Variants in CUX1 observed in about 807,000 individuals in gnomAD.
The protein encoded by CUX1 is cut like homeobox 1, also known as protein CASP.
CUX1 carries 31 observed loss-of-function variants against 158.8 expected under a neutral mutation model. That is an observed-to-expected ratio of 0.20 (90% CI 0.15 to 0.26). The LOEUF is 0.26. CUX1 is among the 10% of genes least tolerant of loss of function. CUX1 has a pLI of 1.00. For missense variants in CUX1, 1,589 were observed against 2,014.6 expected, an observed-to-expected ratio of 0.79 and a Z score of 4.04; for synonymous variants, 879 against 862.1, an observed-to-expected ratio of 1.02 and a Z score of -0.34.
intron 1 of CUX1, among the ~76,000 whole-genome samples, chr7:101,853,871 A>G (rs1796532388): frequency 6.6e-6 from 1 of 152,108 alleles, no homozygotes; most frequent in Non-Finnish European, 1.5e-5. Flanking sequence ...TGGTCATGAG[A>G]AACCCCAGTC....
intron 3 of CUX1, among the ~76,000 whole-genome samples, chr7:102,047,260 G>A (rs1372687548): frequency 1.4e-4 from 21 of 151,980 alleles, no homozygotes; most frequent in Non-Finnish European, 3.1e-4. Context: ...ATGGATTGGT[G>A]GATGAATGGG....
At position 101,952,206 on chromosome 7, in the gene CUX1, G is replaced by A. The variant is rs188162659; in HGVS notation, c.141+35981G>A. Among the ~76,000 whole-genome samples the A allele has an allele frequency of 2.9e-3, 435 of 152,144 alleles. 3 individuals carry two copies. Among genetic ancestry groups the A allele is most frequent in the South Asian group, 0.01 (49 of 4,816 alleles). ...AAGACCAGCCTGGGCAACATAGCGA[G>A]ACCCCGTCTCTACAAAAAAAAATAC... On this transcript the variant is annotated intron_variant, in intron 2 of 23. Coordinates refer to ENST00000292535, the MANE Select transcript of CUX1 (RefSeq NM_181552.4).
intron 20 of CUX1, among the ~76,000 whole-genome samples, chr7:102,216,786 ACACAC>A (rs1554524999): frequency 2.3e-5 from 1 of 42,922 alleles, no homozygotes; most frequent in East Asian, 0.013. Flanking sequence ...TCTCCCACAC[ACACAC>A]TCTCCCACAC....
At chr7:102,214,898 C>T (rs1195702830) in intron 20 of CUX1, among the ~76,000 whole-genome samples, 3 of 152,222 alleles carry the variant, frequency 2.0e-5, no homozygotes, top group African/African-American at 7.2e-5. Context: ...TCTGTCCTTT[C>T]CTTGACGGCC....
chr7:101,996,837 C>T (rs1052997638), intron 2 of CUX1, among the ~76,000 whole-genome samples: 2 of 152,022 alleles, frequency 1.3e-5, no homozygotes, highest in South Asian at 2.1e-4. Flanking sequence ...TGCTCCTCTG[C>T]CGCATACATA....
Position 102,249,120 on chromosome 7 carries a change from A to G in CUX1, c.*78A>G. ...GGGTCGGACGGGGCAGGCGCTGCGGACACCGTGGCCTGGGCTTGGCCCGCG... is the reference window on the plus strand; with the variant it reads ...GGGTCGGACGGGGCAGGCGCTGCGGGCACCGTGGCCTGGGCTTGGCCCGCG... On this transcript the variant is annotated 3_prime_UTR_variant, in exon 24 of 24. Coordinates refer to ENST00000292535, the MANE Select transcript of CUX1 (RefSeq NM_181552.4). 8.5e-7 allele frequency: 1 copy of G among 1,179,284 alleles called. No individual in the cohort carries two copies. Among genetic ancestry groups the G allele is most frequent in the Non-Finnish European group, 1.0e-6 (1 of 952,642 alleles). 73.1% of individuals were successfully genotyped at this position (1,179,284 alleles called of 1,614,324 possible). A position where few individuals can be genotyped will look rare whatever the true frequency, so the allele number is the denominator to read the frequency against.
At chr7:102,014,179 A>ACC (rs1563130886) in intron 2 of CUX1, among the ~76,000 whole-genome samples, 1 of 152,118 alleles carries the variant, frequency 6.6e-6, no homozygotes, top group Non-Finnish European at 1.5e-5. Context: ...CTCACAAGAG[A>ACC]CCGACCTCTG....
At chr7:102,228,690 C>A (rs1349719864) in intron 21 of CUX1, among the ~76,000 whole-genome samples, 1 of 152,086 alleles carries the variant, frequency 6.6e-6, no homozygotes, top group Non-Finnish European at 1.5e-5. Context: ...TTCAGCTACT[C>A]GGGAGGCTGA....
At chr7:101,953,989 T>C (rs1161697465) in intron 2 of CUX1, among the ~76,000 whole-genome samples, 1 of 152,154 alleles carries the variant, frequency 6.6e-6, no homozygotes, top group Non-Finnish European at 1.5e-5. Flanking sequence ...TGTAACCCTC[T>C]GGTCTGGGTA....
At chr7:102,150,390 A>G (rs782615723) in intron 8 of CUX1, among the ~76,000 whole-genome samples, 9 of 152,206 alleles carry the variant, frequency 5.9e-5, no homozygotes, top group Non-Finnish European at 1.2e-4. Context: ...TCCTGGTCTC[A>G]AGTGATCCAC....
At chr7:102,230,786 C>G (rs1056158897) in intron 21 of CUX1, among the ~76,000 whole-genome samples, 1 of 152,194 alleles carries the variant, frequency 6.6e-6, no homozygotes, top group Non-Finnish European at 1.5e-5. Flanking sequence ...TCTCCCACTT[C>G]ATAGCTCGTC....
At chr7:102,027,377 A>C (rs1010231004) in intron 2 of CUX1, among the ~76,000 whole-genome samples, 1 of 152,154 alleles carries the variant, frequency 6.6e-6, no homozygotes, top group Non-Finnish European at 1.5e-5. Flanking sequence ...CATCTCAAAA[A>C]AAAAGAAGAG....
chr7:102,060,608 AAC>A (rs58786987), intron 3 of CUX1, among the ~76,000 whole-genome samples: 2,120 of 133,274 alleles, frequency 0.016, 56 homozygotes, highest in African/African-American at 0.051. Context: ...CACACAAATA[AAC>A]ACACACACAC....
At chr7:102,019,100 C>T (rs933042870) in intron 2 of CUX1, among the ~76,000 whole-genome samples, 2 of 152,138 alleles carry the variant, frequency 1.3e-5, no homozygotes, top group Non-Finnish European at 2.9e-5. Context: ...TCGAATCTGC[C>T]CTTCTTCTTA....
chr7:101,938,614 A>G (rs1262380853), intron 2 of CUX1, among the ~76,000 whole-genome samples: 1 of 152,104 alleles, frequency 6.6e-6, no homozygotes, highest in Non-Finnish European at 1.5e-5. Flanking sequence ...CACTATTAAG[A>G]TAGAGGACAG....
Position 102,249,714 on chromosome 7 carries a change from A to G in CUX1, c.*672A>G. 1 of 985,666 alleles carries G rather than the reference A, an allele frequency of 1.0e-6. No individual in the cohort carries two copies. The allele number at this position is 985,666 out of a possible 1,614,324, so 61.1% of individuals were successfully genotyped here. ...GGATTTTTCAGAAAAATTAAAAAAG[A>G]AAGTTTTTGTAGCTGTTCAGTTGCC... On this transcript the variant is annotated 3_prime_UTR_variant, in exon 24 of 24. Coordinates refer to ENST00000292535, the MANE Select transcript of CUX1 (RefSeq NM_181552.4).
intron 4 of CUX1, among the ~76,000 whole-genome samples, chr7:102,087,537 G>A (rs1399461320): frequency 6.6e-6 from 1 of 152,100 alleles, no homozygotes; most frequent in Non-Finnish European, 1.5e-5. Flanking sequence ...CTGAGTTCGT[G>A]CCGTTGCATT....
chr7:101,867,497 C>T (rs924044370), intron 1 of CUX1, among the ~76,000 whole-genome samples: 19 of 152,292 alleles, frequency 1.2e-4, no homozygotes, highest in African/African-American at 4.6e-4. Context: ...CACCTCAGCA[C>T]GTGGTGTGTG....
intron 3 of CUX1, among the ~76,000 whole-genome samples, chr7:102,044,281 C>G (rs1324179049): frequency 6.6e-6 from 1 of 152,058 alleles, no homozygotes; most frequent in African/African-American, 2.4e-5. Context: ...CCTCCACCTC[C>G]TAGGTTCCAG....
Sources: allele counts gnomAD v4.1 joint callset (sites outside exome capture counted in the v4.1 genomes callset), GRCh38; gene constraint gnomAD v4.1.1; transcripts MANE v1.5; gene names NCBI Gene and HGNC (gene_info 2026-07-23, HGNC 2026-07-21).